The following C1orf21 variants were observed in gnomAD, a reference collection of about 807,000 sequenced individuals.
The protein encoded by C1orf21 is uncharacterized protein C1orf21.
C1orf21 carries 3 observed loss-of-function variants against 18.7 expected under a neutral mutation model. That is an observed-to-expected ratio of 0.16 (90% confidence interval 0.07 to 0.42). The LOEUF (loss-of-function observed/expected upper bound fraction) is 0.42, where lower values mean the gene tolerates loss of function less well. Ranked by LOEUF, C1orf21 falls within the 10% of genes least tolerant of loss-of-function variation. C1orf21 has a pLI of 0.99. For synonymous variants in C1orf21, 41 were observed against 46.4 expected, an observed-to-expected ratio of 0.88 and a Z score of 0.47; for missense variants, 104 against 143.6, an observed-to-expected ratio of 0.72 and a Z score of 1.41.
intron 1 of C1orf21, among the ~76,000 whole-genome samples, chr1:184,433,343 C>G (rs567232226): frequency 6.6e-6 from 1 of 152,302 alleles, no homozygotes; most frequent in South Asian, 2.1e-4. Flanking sequence ...CCCGAATCTT[C>G]TCTTTATAGA....
At chr1:184,544,832 G>C (rs1658705896) in intron 3 of C1orf21, among the ~76,000 whole-genome samples, 1 of 152,166 alleles carries the variant, frequency 6.6e-6, no homozygotes, top group Admixed American at 6.5e-5. Flanking sequence ...TGGGGCAGGG[G>C]AATTCACTTC....
At chr1:184,544,558 T>C (rs573582116) in intron 3 of C1orf21, among the ~76,000 whole-genome samples, 1 of 152,350 alleles carries the variant, frequency 6.6e-6, no homozygotes, top group East Asian at 1.9e-4. Flanking sequence ...AATTTATCAA[T>C]ATCTTTCAAA....
chr1:184,515,687 A>G (rs1475902120), intron 3 of C1orf21, among the ~76,000 whole-genome samples: 1 of 152,142 alleles, frequency 6.6e-6, no homozygotes, highest in East Asian at 1.9e-4. Context: ...AAGGAAAATT[A>G]TTGCTTTAAT....
At chr1:184,548,074 T>C (rs1658752219) in intron 3 of C1orf21, among the ~76,000 whole-genome samples, 1 of 152,190 alleles carries the variant, frequency 6.6e-6, no homozygotes, top group South Asian at 2.1e-4. Context: ...CCTGGTCTGT[T>C]TCCCAAAGAC....
At chr1:184,538,383 C>T (rs371667342) in intron 3 of C1orf21, among the ~76,000 whole-genome samples, 3 of 152,036 alleles carry the variant, frequency 2.0e-5, no homozygotes, top group African/African-American at 4.8e-5. Flanking sequence ...AATAGATATG[C>T]GATTTCAAAT....
intron 1 of C1orf21, among the ~76,000 whole-genome samples, chr1:184,430,526 A>G (rs1232988112): frequency 6.6e-6 from 1 of 152,218 alleles, no homozygotes; most frequent in African/African-American, 2.4e-5. Flanking sequence ...ATTTTGAAAA[A>G]CAGACTTTTA....
At chr1:184,472,798 T>TTGTA (rs1223354610) in intron 1 of C1orf21, among the ~76,000 whole-genome samples, 1 of 152,236 alleles carries the variant, frequency 6.6e-6, no homozygotes, top group Non-Finnish European at 1.5e-5. Context: ...ATGGACCTAC[T>TTGTA]TGCCTGGGGA....
intron 3 of C1orf21, among the ~76,000 whole-genome samples, chr1:184,577,679 G>T (rs1571285640): frequency 6.6e-6 from 1 of 152,030 alleles, no homozygotes; most frequent in Non-Finnish European, 1.5e-5. Flanking sequence ...TTTGACATGC[G>T]CAGTTTCTCA....
At chr1:184,521,938 C>T (rs1658311422) in intron 3 of C1orf21, among the ~76,000 whole-genome samples, 1 of 152,136 alleles carries the variant, frequency 6.6e-6, no homozygotes, top group Non-Finnish European at 1.5e-5. Context: ...AGCAACCATA[C>T]ATAAGCACTG....
In C1orf21 at chr1:184,574,778, C is replaced by G. The variant is rs529851403; in HGVS notation, c.190-15961C>G. 2.0e-4 allele frequency among the ~76,000 whole-genome samples: 30 copies of G among 152,280 alleles called. No homozygotes were observed. In the South Asian group the frequency reaches 6.2e-3, roughly 32 times the overall value. The stretch of plus-strand genomic sequence containing the variant: ...TTTGAAAGCCTCCTAGTGAAAGAGT[C>G]TCAGAGGGAAGAGCCGTGAGAGCAG... On this transcript the variant is annotated intron_variant, in intron 3 of 5. Transcript: ENST00000235307.
chr1:184,596,054 A>G (rs1659509262), intron 4 of C1orf21, among the ~76,000 whole-genome samples: 1 of 152,180 alleles, frequency 6.6e-6, no homozygotes, highest in Non-Finnish European at 1.5e-5. Context: ...CCTGATAGGG[A>G]TCCCGACCCT....
intron 1 of C1orf21, among the ~76,000 whole-genome samples, chr1:184,398,237 G>A (rs1656093564): frequency 6.6e-6 from 1 of 152,176 alleles, no homozygotes; most frequent in Non-Finnish European, 1.5e-5. Flanking sequence ...TACACGACAT[G>A]CACTGTTCCT....
intron 1 of C1orf21, among the ~76,000 whole-genome samples, chr1:184,411,004 C>T (rs115677970): frequency 0.019 from 2,855 of 151,968 alleles, 100 homozygotes; most frequent in African/African-American, 0.063. Flanking sequence ...TTGCTTCTCT[C>T]AGGAAATTCT....
At chr1:184,612,296 C>T (rs953884709) in intron 5 of C1orf21, among the ~76,000 whole-genome samples, 2 of 152,174 alleles carry the variant, frequency 1.3e-5, no homozygotes, top group Non-Finnish European at 2.9e-5. Flanking sequence ...CTGTCATGAG[C>T]CTTTATTACA....
At position 184,619,666 on chromosome 1, in the gene C1orf21, GAAGATCGTTCCATAT is replaced by G. The variant is rs1427565590; in HGVS notation, c.*111_*125del. Reference sequence around the variant, plus strand: ...TTCAGCGAACAGCACTATAGCAAAAGAAGATCGTTCCATATTGTACGCCCCATTAAATTACAGTGT... The same window carrying G: ...TTCAGCGAACAGCACTATAGCAAAAGTGTACGCCCCATTAAATTACAGTGT... On this transcript the variant is annotated 3_prime_UTR_variant, in exon 6 of 6. Coordinates refer to ENST00000235307, the MANE Select transcript of C1orf21 (RefSeq NM_030806.4). 6.2e-6 allele frequency: 6 copies of G among 961,050 alleles called. No homozygotes were observed. The highest frequency in any genetic ancestry group is 9.5e-6 in the Non-Finnish European group (6 of 634,310). 59.5% of individuals were successfully genotyped at this position (961,050 alleles called of 1,614,324 possible).
rs9970984 is a variant in C1orf21 at position 184,538,740 on chromosome 1, A to T, written c.189+31058A>T. On this transcript the variant is annotated intron_variant, in intron 3 of 5. Transcript: ENST00000235307. ...TTTTCTCCATTGAATGGTCTTGGCA[A>T]CCTTGTCAAAAATCATTTGACCATA... Among the ~76,000 whole-genome samples the T allele has an allele frequency of 1.4e-3, 209 of 152,068 alleles. 1 individual carries two copies. The highest frequency in any genetic ancestry group is 6.8e-3 in the Middle Eastern group (2 of 294).
chr1:184,467,531 T>C (rs1436279052), intron 1 of C1orf21, among the ~76,000 whole-genome samples: 1 of 152,214 alleles, frequency 6.6e-6, no homozygotes, highest in East Asian at 1.9e-4. Flanking sequence ...TTGCAGGTGC[T>C]GTACAGGGAG....
intron 3 of C1orf21, among the ~76,000 whole-genome samples, chr1:184,563,055 G>A (rs566660438): frequency 2.0e-5 from 3 of 152,268 alleles, no homozygotes; most frequent in Admixed American, 6.5e-5. Context: ...CAAGTACTTA[G>A]GTCATTTAGC....
At chr1:184,531,163 A>C (rs1192235312) in intron 3 of C1orf21, among the ~76,000 whole-genome samples, 1 of 152,200 alleles carries the variant, frequency 6.6e-6, no homozygotes, top group Non-Finnish European at 1.5e-5. Flanking sequence ...GCTTACAAAT[A>C]TAAGAGAACA....
Sources: allele counts gnomAD v4.1 joint callset (sites outside exome capture counted in the v4.1 genomes callset), GRCh38; gene constraint gnomAD v4.1.1; transcripts MANE v1.5; gene names NCBI Gene and HGNC (gene_info 2026-07-23, HGNC 2026-07-21).